Variants in CTNNA3 observed in about 807,000 individuals in gnomAD.
The protein encoded by CTNNA3 is catenin alpha 3.
CTNNA3 carries 76 observed loss-of-function variants against 95.7 expected under a neutral mutation model. The ratio of observed to expected loss-of-function variants is 0.79; its 90% CI spans 0.66 to 0.96. The LOEUF (loss-of-function observed/expected upper bound fraction) is 0.96. CTNNA3 is among the 40% of genes least tolerant of loss of function. The pLI, the probability that CTNNA3 is intolerant of heterozygous loss-of-function variation, is 0.00. For synonymous variants in CTNNA3, 431 were observed against 374.4 expected (o/e 1.15, Z -1.74); for missense variants, 1,191 against 1,089.8 (o/e 1.09, Z -1.31).
chr10:66,820,203 T>A (rs4517411), intron 7 of CTNNA3, among the ~76,000 whole-genome samples: 1 of 152,014 alleles, frequency 6.6e-6, no homozygotes, highest in Non-Finnish European at 1.5e-5. Flanking sequence ...ATGGATAAAC[T>A]TTGAAAACAT....
At chr10:67,127,602 A>AC (rs1859777881) in intron 7 of CTNNA3, among the ~76,000 whole-genome samples, 1 of 152,104 alleles carries the variant, frequency 6.6e-6, no homozygotes, top group African/African-American at 2.4e-5. Flanking sequence ...ACTTCATATC[A>AC]CTCCCCAACA....
chr10:66,507,828 C>T (rs1242939043), intron 11 of CTNNA3, among the ~76,000 whole-genome samples: 2 of 152,084 alleles, frequency 1.3e-5, no homozygotes, highest in Admixed American at 6.6e-5. Flanking sequence ...ACAGATATCT[C>T]TTTGCTATGC....
At chr10:66,319,520 T>G (rs1189822343) in intron 12 of CTNNA3, among the ~76,000 whole-genome samples, 2 of 152,104 alleles carry the variant, frequency 1.3e-5, no homozygotes, top group Non-Finnish European at 2.9e-5. Flanking sequence ...TAAACTTGTT[T>G]GCAACACTTT....
chr10:66,580,257 C>T (rs1051007709), intron 10 of CTNNA3, among the ~76,000 whole-genome samples: 1 of 151,574 alleles, frequency 6.6e-6, no homozygotes, highest in Non-Finnish European at 1.5e-5. Context: ...CCTTTGGTGA[C>T]ATTCTTCCCC....
chr10:66,865,808 T>C (rs1389208135), intron 7 of CTNNA3, among the ~76,000 whole-genome samples: 1 of 152,086 alleles, frequency 6.6e-6, no homozygotes, highest in Non-Finnish European at 1.5e-5. Context: ...TGATTCTGCA[T>C]AGAGATGGTA....
At chr10:67,717,802 C>A (rs1237234308) in intron 1 of CTNNA3, among the ~76,000 whole-genome samples, 1 of 152,124 alleles carries the variant, frequency 6.6e-6, no homozygotes, top group Non-Finnish European at 1.5e-5. Context: ...GCTATACGGG[C>A]TCTTTTTTGG....
rs1564719721 is a variant in CTNNA3 at position 66,845,707 on chromosome 10, A to AAAAAAAAAAAC, written c.1048-70184_1048-70183insGTTTTTTTTTT. ...AACAACAGCAAAACTCTGTCTCAAAAAAAAAAAAAAAAAAAAAAAAAACTA... is the reference window on the plus strand; with the variant it reads ...AACAACAGCAAAACTCTGTCTCAAAAAAAAAAAAAACAAAAAAAAAAAAAAAAAAAAAACTA... On this transcript the variant is annotated intron_variant, in intron 7 of 17. Transcript: ENST00000433211. Among the ~76,000 whole-genome samples the AAAAAAAAAAAC allele has an allele frequency of 2.6e-4, 16 of 61,180 alleles. 1 individual carries two copies. The highest frequency in any genetic ancestry group is 1.5e-3 in the African/African-American group (16 of 10,584). 40.1% of individuals were successfully genotyped at this position (61,180 alleles called of 152,430 possible). A position where few individuals can be genotyped will look rare whatever the true frequency, so the allele number is the denominator to read the frequency against.
intron 7 of CTNNA3, among the ~76,000 whole-genome samples, chr10:66,890,995 C>T (rs1219782222): frequency 6.6e-6 from 1 of 152,090 alleles, no homozygotes; most frequent in Non-Finnish European, 1.5e-5. Context: ...TCATCTCCAA[C>T]CTAAGGTATA....
intron 9 of CTNNA3, among the ~76,000 whole-genome samples, chr10:66,719,196 G>T (rs1848548183): frequency 6.6e-6 from 1 of 151,942 alleles, no homozygotes; most frequent in Admixed American, 6.6e-5. Context: ...TTTCTTGTGG[G>T]TCTGCCTTCT....
chr10:66,414,458 T>A (rs1462619562), intron 11 of CTNNA3, among the ~76,000 whole-genome samples: 1 of 152,134 alleles, frequency 6.6e-6, no homozygotes, highest in Non-Finnish European at 1.5e-5. Flanking sequence ...CTCAGCAGCC[T>A]GCATTTTCAT....
intron 5 of CTNNA3, among the ~76,000 whole-genome samples, chr10:67,397,299 A>G (rs1278334208): frequency 6.6e-6 from 1 of 152,206 alleles, no homozygotes; most frequent in African/African-American, 2.4e-5. Flanking sequence ...TGATAGTGAT[A>G]TGGACAATAA....
intron 12 of CTNNA3, among the ~76,000 whole-genome samples, chr10:66,321,601 G>A (rs2092186479): frequency 1.3e-5 from 2 of 152,020 alleles, no homozygotes; most frequent in Admixed American, 1.3e-4. Context: ...TTGAAAACCT[G>A]CAATGAATAC....
intron 13 of CTNNA3, among the ~76,000 whole-genome samples, chr10:66,122,608 A>G: frequency 6.6e-6 from 1 of 152,230 alleles, no homozygotes; most frequent in East Asian, 1.9e-4. Context: ...GAATGATAGG[A>G]TACTTATAAT....
intron 13 of CTNNA3, among the ~76,000 whole-genome samples, chr10:66,104,918 G>C (rs2081825368): frequency 6.6e-6 from 1 of 152,152 alleles, no homozygotes; most frequent in African/African-American, 2.4e-5. Context: ...GACATTTGAT[G>C]ATTAGCTCAT....
At position 65,966,756 on chromosome 10, in the gene CTNNA3, A is replaced by C. The variant is rs2105702; in HGVS notation, c.2266-10T>G. On this transcript the variant is annotated splice_polypyrimidine_tract_variant and intron_variant, in intron 16 of 17. Transcript: ENST00000433211. ...AAGATGGATCTGGGCACTAAATATG[A>C]ATCAAAGATAAAAATAGATACAGCA... The C allele has an allele frequency of 0.31, 497,857 of 1,586,814 alleles. 80,364 individuals are homozygous for C. The highest frequency in any genetic ancestry group is 0.47 in the Admixed American group (28,061 of 59,312).
intron 5 of CTNNA3, among the ~76,000 whole-genome samples, chr10:67,302,438 A>C (rs1840367230): frequency 6.6e-6 from 1 of 152,228 alleles, no homozygotes; most frequent in Admixed American, 6.5e-5. Flanking sequence ...CTCACCACAA[A>C]AATGATAAGT....
At chr10:66,957,387 T>A (rs945863875) in intron 7 of CTNNA3, among the ~76,000 whole-genome samples, 2 of 14,278 alleles carry the variant, frequency 1.4e-4, no homozygotes, top group Non-Finnish European at 4.4e-4. Context: ...TGTGTGTATA[T>A]ATATACATAT....
Position 66,069,386 on chromosome 10 carries a change from C to CAT in CTNNA3, c.2079_2080dup (p.Trp694TyrfsTer18), listed in dbSNP as rs1564616327. ...AATGATGTCGTTGCTTGTATCATCCCATATCTCAATCTCAGCATCCAGCTT... is the reference window on the plus strand; with the variant it reads ...AATGATGTCGTTGCTTGTATCATCCCATATATCTCAATCTCAGCATCCAGCTT... On this transcript the variant is annotated frameshift_variant, in exon 15 of 18. Coordinates refer to ENST00000433211, the MANE Select transcript of CTNNA3 (RefSeq NM_013266.4). LOFTEE classifies it high-confidence loss of function. 1.9e-6 allele frequency: 3 copies of CAT among 1,613,654 alleles called. No homozygotes were observed. Among genetic ancestry groups the CAT allele is most frequent in the Non-Finnish European group, 2.5e-6 (3 of 1,179,734 alleles).
chr10:66,228,456 G>T, intron 13 of CTNNA3, among the ~76,000 whole-genome samples: 1 of 151,910 alleles, frequency 6.6e-6, no homozygotes, highest in African/African-American at 2.4e-5. Context: ...TGATTTGAAT[G>T]CATTTGTACA....
Sources: allele counts gnomAD v4.1 joint callset (sites outside exome capture counted in the v4.1 genomes callset), GRCh38; gene constraint gnomAD v4.1.1; transcripts MANE v1.5; gene names NCBI Gene and HGNC (gene_info 2026-07-23, HGNC 2026-07-21).